FAM76A: variants seen among roughly 807,000 people sequenced by gnomAD.
The protein encoded by FAM76A is protein FAM76A.
A neutral mutation model predicts 46.2 loss-of-function variants in FAM76A; 32 were observed. That is an observed-to-expected ratio of 0.69 (90% CI 0.52 to 0.93). The LOEUF (loss-of-function observed/expected upper bound fraction) is 0.93. Ranked by LOEUF, FAM76A falls within the 40% of genes least tolerant of loss-of-function variation. FAM76A has a pLI of 0.00. For missense variants in FAM76A, 274 were observed against 361.5 expected, an observed-to-expected ratio of 0.76 and a Z score of 1.96; for synonymous variants, 137 against 127.0, an observed-to-expected ratio of 1.08 and a Z score of -0.53.
At chr1:27,735,550 A>G (rs1260065130) in intron 4 of FAM76A, among the ~76,000 whole-genome samples, 1 of 152,160 alleles carries the variant, frequency 6.6e-6, no homozygotes, top group Non-Finnish European at 1.5e-5. Flanking sequence ...TTACAATGGA[A>G]GGATATAACT....
rs1334464233 is a variant in FAM76A, at chr1:27,760,860, C to CTTTTTTTTTTTTTTTTTTTTTTT, written c.*288_*289insTTTTTTTTTTTTTTTTTTTTTTT. The CTTTTTTTTTTTTTTTTTTTTTTT allele has an allele frequency of 2.4e-5, 1 of 41,122 alleles. No homozygotes were observed. The allele number at this position is 41,122 out of a possible 1,614,324, so 2.5% of individuals were successfully genotyped here. A position where few individuals can be genotyped will look rare whatever the true frequency, so the allele number is the denominator to read the frequency against. ...CTCTTCTCTCTATTTTGGTTCTATT[C>CTTTTTTTTTTTTTTTTTTTTTTT]TTTTTTTTTCTTTTTTCTTTTTTTT... On this transcript the variant is annotated 3_prime_UTR_variant, in exon 9 of 9. Transcript: ENST00000373954.
chr1:27,732,893 A>G (rs1351864097), intron 3 of FAM76A, among the ~76,000 whole-genome samples: 1 of 151,924 alleles, frequency 6.6e-6, no homozygotes, highest in African/African-American at 2.4e-5. Context: ...TTCAGTGACC[A>G]GTATGGAAAG....
chr1:27,736,152 T>C (rs1332189584), intron 4 of FAM76A, among the ~76,000 whole-genome samples: 3 of 152,050 alleles, frequency 2.0e-5, no homozygotes, highest in African/African-American at 7.2e-5. Flanking sequence ...AAACCCCGTC[T>C]CTACCAAAAA....
chr1:27,740,151 C>G (rs4145452), intron 4 of FAM76A: 22,130 of 508,788 alleles, frequency 0.043, 1,420 homozygotes, highest in East Asian at 0.25. Flanking sequence ...CTTTGACATA[C>G]ATGTGATGGT....
At chr1:27,751,011 G>A (rs1297228753) in intron 6 of FAM76A, among the ~76,000 whole-genome samples, 1 of 152,160 alleles carries the variant, frequency 6.6e-6, no homozygotes, top group African/African-American at 2.4e-5. Context: ...GATTAGCTGG[G>A]CATGGTGGCG....
At chr1:27,740,616 C>A in intron 4 of FAM76A, 4 of 710,592 alleles carry the variant, frequency 5.6e-6, no homozygotes, top group South Asian at 5.1e-5. Flanking sequence ...CAAAAACATT[C>A]TCTTGATCAG....
At chr1:27,735,236 A>G (rs2088025572) in intron 4 of FAM76A, among the ~76,000 whole-genome samples, 1 of 152,200 alleles carries the variant, frequency 6.6e-6, no homozygotes, top group South Asian at 2.1e-4. Context: ...ACCTGCTCAC[A>G]GTGACCTTTT....
chr1:27,731,673 T>G (rs541504711), intron 2 of FAM76A, among the ~76,000 whole-genome samples: 1 of 152,302 alleles, frequency 6.6e-6, no homozygotes, highest in African/African-American at 2.4e-5. Context: ...TTCCCAACTA[T>G]TCATCCGAAT....
intron 8 of FAM76A, chr1:27,760,044 A>AT (rs749714976): frequency 4.4e-6 from 2 of 457,152 alleles, no homozygotes; most frequent in Non-Finnish European, 8.8e-6. Context: ...AAGTGCTAGG[A>AT]TTACAGGCGT....
At chr1:27,731,903 C>A (rs1423378622) in intron 2 of FAM76A, among the ~76,000 whole-genome samples, 2 of 152,138 alleles carry the variant, frequency 1.3e-5, no homozygotes, top group Non-Finnish European at 2.9e-5. Flanking sequence ...CTTACTGCAA[C>A]CTCCGCCTCC....
chr1:27,738,170 A>C (rs541719397), intron 4 of FAM76A, among the ~76,000 whole-genome samples: 1 of 152,120 alleles, frequency 6.6e-6, no homozygotes, highest in South Asian at 2.1e-4. Context: ...GTCCAGCCTG[A>C]GTAACATAGT....
intron 4 of FAM76A, among the ~76,000 whole-genome samples, chr1:27,734,931 T>A (rs1477294552): frequency 6.6e-6 from 1 of 152,250 alleles, no homozygotes; most frequent in Non-Finnish European, 1.5e-5. Context: ...AGAATCAAAA[T>A]GATTTAGAGT....
rs925849194 is a variant in FAM76A, at chr1:27,760,867, T to A, written c.*286T>A. The A allele has an allele frequency of 6.5e-6, 1 of 154,448 alleles. No individual in the cohort carries two copies. The highest frequency in any genetic ancestry group is 1.4e-5 in the Non-Finnish European group (1 of 73,120). The allele number at this position is 154,448 out of a possible 1,614,324, so 9.6% of individuals were successfully genotyped here. On this transcript the variant is annotated 3_prime_UTR_variant, in exon 9 of 9. Coordinates refer to ENST00000373954, the MANE Select transcript of FAM76A (RefSeq NM_152660.3). ...CTCTATTTTGGTTCTATTCTTTTTTTTTCTTTTTTCTTTTTTTTTTTTTTT... is the reference window on the plus strand; with the variant it reads ...CTCTATTTTGGTTCTATTCTTTTTTATTCTTTTTTCTTTTTTTTTTTTTTT...
At chr1:27,737,939 G>A (rs565972572) in intron 4 of FAM76A, among the ~76,000 whole-genome samples, 1 of 149,720 alleles carries the variant, frequency 6.7e-6, no homozygotes, top group South Asian at 2.1e-4. Flanking sequence ...TGTGGTTCCA[G>A]CTACCTGGGA....
intron 4 of FAM76A, among the ~76,000 whole-genome samples, chr1:27,743,697 G>A (rs143646973): frequency 9.3e-4 from 142 of 152,164 alleles, no homozygotes; most frequent in East Asian, 8.5e-3. Flanking sequence ...TCCAGGAGGT[G>A]GAGGTTGCAG....
intron 4 of FAM76A, among the ~76,000 whole-genome samples, chr1:27,736,894 T>C (rs2088056184): frequency 6.6e-6 from 1 of 152,206 alleles, no homozygotes; most frequent in Non-Finnish European, 1.5e-5. Context: ...CCCAAAATGC[T>C]GGGAGTACAG....
At chr1:27,726,733 A>G (rs1234266123) in intron 1 of FAM76A, among the ~76,000 whole-genome samples, 1 of 152,024 alleles carries the variant, frequency 6.6e-6, no homozygotes, top group African/African-American at 2.4e-5. Context: ...CACAGATCCG[A>G]GGGATCACTT....
chr1:27,728,945 C>T (rs1557773225), intron 2 of FAM76A, among the ~76,000 whole-genome samples: 5 of 148,692 alleles, frequency 3.4e-5, no homozygotes, highest in African/African-American at 7.5e-5. Flanking sequence ...GCCTGGGTGA[C>T]GGGGGGAAAC....
intron 4 of FAM76A, among the ~76,000 whole-genome samples, chr1:27,740,968 T>C (rs2088141059): frequency 6.6e-6 from 1 of 151,768 alleles, no homozygotes; most frequent in Non-Finnish European, 1.5e-5. Flanking sequence ...TCTACTAAAA[T>C]ACAAAATTAG....
Sources: allele counts gnomAD v4.1 joint callset (sites outside exome capture counted in the v4.1 genomes callset), GRCh38; gene constraint gnomAD v4.1.1; transcripts MANE v1.5; gene names NCBI Gene and HGNC (gene_info 2026-07-23, HGNC 2026-07-21).